Variants in MGAM2 observed in about 807,000 individuals in gnomAD.
MGAM2 encodes the protein probable maltase-glucoamylase 2.
MGAM2 carries 98 observed loss-of-function variants against 96.1 expected under a neutral mutation model. The observed-to-expected ratio is 1.02, with a 90% CI of 0.87 to 1.21. The LOEUF (loss-of-function observed/expected upper bound fraction) is 1.21. Among genes scored for constraint, MGAM2 ranks in the 50% most tolerant of loss-of-function variants. The probability of loss-of-function intolerance (pLI) is 0.00; values close to 1 mark genes in which losing one functional copy is unlikely to be tolerated. For missense variants in MGAM2, 2,055 were observed against 1,182.4 expected, an observed-to-expected ratio of 1.74 and a Z score of -10.82; for synonymous variants, 749 against 414.8, an observed-to-expected ratio of 1.81 and a Z score of -9.79.
At chr7:142,160,074 G>T (rs888880263) in intron 20 of MGAM2, 60 bp from the exon 21 acceptor site, 9 of 653,530 alleles carry the variant, frequency 1.4e-5, no homozygotes, top group Admixed American at 7.1e-5. Context: ...GATACCTAAG[G>T]CCCCTCCTAG....
intron 17 of MGAM2, 34 bp from the exon 18 acceptor site, chr7:142,157,903 G>T (rs1795780510): frequency 1.4e-6 from 1 of 700,326 alleles, no homozygotes; most frequent in Middle Eastern, 2.3e-4. Flanking sequence ...ATGATGGAAA[G>T]AAATATTCAG....
chr7:142,176,563 A>T (rs1469635084), intron 32 of MGAM2, among the ~76,000 whole-genome samples: 2 of 152,212 alleles, frequency 1.3e-5, no homozygotes, highest in Non-Finnish European at 2.9e-5. Context: ...TAAACATCTG[A>T]AAAGATAATT....
chr7:142,210,299 GTT>G (rs200900613), intron 46 of MGAM2, among the ~76,000 whole-genome samples: 1,554 of 148,932 alleles, frequency 0.01, 27 homozygotes, highest in African/African-American at 0.036. Flanking sequence ...AGCTTCAGGA[GTT>G]TTTTTTTTTT....
At chr7:142,162,320 T>A (rs1464526389) in intron 23 of MGAM2, among the ~76,000 whole-genome samples, 2 of 151,938 alleles carry the variant, frequency 1.3e-5, no homozygotes, top group East Asian at 3.9e-4. Flanking sequence ...GAGGTGTGAG[T>A]GGGTTAGTGA....
intron 6 of MGAM2, among the ~76,000 whole-genome samples, chr7:142,132,889 A>G (rs2129077915): frequency 7.7e-6 from 1 of 130,060 alleles, no homozygotes; most frequent in East Asian, 2.3e-4. Context: ...TATATAATAT[A>G]TAACATATGT....
intron 31 of MGAM2, among the ~76,000 whole-genome samples, chr7:142,174,905 G>C (rs1241875000): frequency 6.6e-6 from 1 of 151,828 alleles, no homozygotes; most frequent in African/African-American, 2.4e-5. Flanking sequence ...TTTTAGTAGG[G>C]ACGGGGTTTC....
At chr7:142,184,046 G>C (rs1796623361) in intron 33 of MGAM2, among the ~76,000 whole-genome samples, 1 of 126,370 alleles carries the variant, frequency 7.9e-6, no homozygotes, top group Admixed American at 1.0e-4. Flanking sequence ...GATCTTGGCT[G>C]TCTGCAACCT....
intron 15 of MGAM2, among the ~76,000 whole-genome samples, chr7:142,149,821 G>A (rs527722591): frequency 4.6e-5 from 7 of 151,994 alleles, no homozygotes; most frequent in East Asian, 1.9e-4. Context: ...GATTACAGGC[G>A]TGAGCCACCG....
chr7:142,190,259 C>T (rs1277690047), intron 37 of MGAM2, among the ~76,000 whole-genome samples: 10 of 146,472 alleles, frequency 6.8e-5, no homozygotes, highest in Non-Finnish European at 1.3e-4. Context: ...AAAGGCTGTA[C>T]CATTTTACTT....
intron 15 of MGAM2, among the ~76,000 whole-genome samples, chr7:142,149,824 A>AGCT (rs1349660977): frequency 6.6e-6 from 1 of 151,978 alleles, no homozygotes; most frequent in African/African-American, 2.4e-5. Flanking sequence ...TACAGGCGTG[A>AGCT]GCCACCGCGC....
intron 32 of MGAM2, among the ~76,000 whole-genome samples, chr7:142,181,194 G>C (rs1796529065): frequency 1.3e-5 from 2 of 152,156 alleles, no homozygotes; most frequent in Admixed American, 6.6e-5. Flanking sequence ...TGAAGTCGCT[G>C]TCTTTTGGAT....
chr7:142,205,829 T>A (rs1316005877), intron 45 of MGAM2, among the ~76,000 whole-genome samples: 1 of 152,184 alleles, frequency 6.6e-6, no homozygotes, highest in Admixed American at 6.5e-5. Context: ...TCGTTTAATG[T>A]GCTTTTGGTG....
At chr7:142,149,787 C>T (rs1354659030) in intron 15 of MGAM2, among the ~76,000 whole-genome samples, 3 of 151,972 alleles carry the variant, frequency 2.0e-5, no homozygotes, top group Non-Finnish European at 2.9e-5. Context: ...ATGATTCACC[C>T]GCCTTGGCCT....
chr7:142,116,810 T>C, intron 1 of MGAM2, 64 bp from the exon 2 acceptor site: 1 of 699,802 alleles, frequency 1.4e-6, no homozygotes, highest in Non-Finnish European at 2.6e-6. Flanking sequence ...ACAATGATTA[T>C]GTATCCTCTT....
intron 44 of MGAM2, among the ~76,000 whole-genome samples, chr7:142,199,322 G>C (rs1164777738): frequency 1.3e-5 from 2 of 152,194 alleles, no homozygotes; most frequent in Non-Finnish European, 2.9e-5. Context: ...TATAACACAT[G>C]GTTTATATGA....
chr7:142,155,043 G>A (rs1795697951), intron 17 of MGAM2, among the ~76,000 whole-genome samples, 198 bp downstream of exon 17: 1 of 152,142 alleles, frequency 6.6e-6, no homozygotes, highest in African/African-American at 2.4e-5. Flanking sequence ...TATACTGAAA[G>A]ATTTTATTCT....
chr7:142,220,718 T>C lies in MGAM2; in HGVS notation c.6207T>C (p.Thr2069=). The C allele has an allele frequency of 1.4e-6, 1 of 702,296 alleles. No homozygotes were observed. The highest frequency in any genetic ancestry group is 1.5e-5 in the South Asian group (1 of 67,602). 43.5% of individuals were successfully genotyped at this position (702,296 alleles called of 1,614,324 possible). The change falls in exon 48 of 48, where the codon ACT becomes ACC. Residue 2069 remains threonine (T), a synonymous_variant. Transcript: ENST00000477922. ...PITTTPSPTN[T]ADANTSNTVP... Reference sequence around the variant, plus strand: ...CAACCACACCTTCCCCTACAAATACTGCTGATGCTAACACTAGTAATACTG... The same window carrying C: ...CAACCACACCTTCCCCTACAAATACCGCTGATGCTAACACTAGTAATACTG...
intron 45 of MGAM2, 24 bp downstream of exon 45, chr7:142,199,992 C>A: frequency 3.2e-6 from 2 of 630,036 alleles, no homozygotes; most frequent in Admixed American, 2.5e-5. Flanking sequence ...TTCCAGGGTC[C>A]CTGTACATCA....
At chr7:142,165,208 A>G (rs543895810) in intron 24 of MGAM2, among the ~76,000 whole-genome samples, 185 bp downstream of exon 24, 100 of 152,320 alleles carry the variant, frequency 6.6e-4, no homozygotes, top group Admixed American at 2.9e-3. Context: ...CTTTGTTTGT[A>G]TCAGGGCTCT....
Sources: allele counts gnomAD v4.1 joint callset (sites outside exome capture counted in the v4.1 genomes callset), GRCh38; gene constraint gnomAD v4.1.1; transcripts MANE v1.5; gene names NCBI Gene and HGNC (gene_info 2026-07-23, HGNC 2026-07-21).